ZDHHC2: variants seen among roughly 807,000 people sequenced by gnomAD.
ZDHHC2 encodes the protein palmitoyltransferase ZDHHC2.
A neutral mutation model predicts 55.6 loss-of-function variants in ZDHHC2; 51 were observed. The observed-to-expected ratio is 0.92, with a 90% CI of 0.73 to 1.16. The LOEUF (loss-of-function observed/expected upper bound fraction) is 1.16. Among genes scored for constraint, ZDHHC2 ranks in the 50% most tolerant of loss-of-function variants. The pLI is 0.00. For synonymous variants in ZDHHC2, 199 were observed against 152.9 expected (o/e 1.30, Z -2.22); for missense variants, 491 against 442.4 (o/e 1.11, Z -0.99).
In ZDHHC2 at chr8:17,195,635, A is replaced by G. The variant is rs762931634; in HGVS notation, c.373+11A>G. 6 of 1,613,624 alleles carry G rather than the reference A, an allele frequency of 3.7e-6. No individual in the cohort carries two copies. The highest frequency in any genetic ancestry group is 1.1e-5 in the South Asian group (1 of 91,046). On this transcript the variant is annotated intron_variant, in intron 4 of 12. Transcript: ENST00000262096. ...GGACCATGTCTGGAGGTAAATGTTG[A>G]TAATGAGTGCTTTGCAATGGTATGC...
intron 1 of ZDHHC2, among the ~76,000 whole-genome samples, chr8:17,168,708 A>G (rs977844404): frequency 6.6e-5 from 10 of 151,978 alleles, no homozygotes; most frequent in South Asian, 4.1e-4. Context: ...CGTGAGTCCA[A>G]CTGTCCAGGT....
At chr8:17,202,311 C>CCTTA (rs1806828901) in intron 6 of ZDHHC2, among the ~76,000 whole-genome samples, 1 of 151,578 alleles carries the variant, frequency 6.6e-6, no homozygotes, top group Non-Finnish European at 1.5e-5. Context: ...ACCTCCACCT[C>CCTTA]CTGGGTATTT....
intron 3 of ZDHHC2, among the ~76,000 whole-genome samples, chr8:17,194,801 T>C (rs1806221662): frequency 6.6e-6 from 1 of 152,290 alleles, no homozygotes; most frequent in Non-Finnish European, 1.5e-5. Context: ...ACATTTGAGT[T>C]GTGTTCTTTT....
intron 11 of ZDHHC2, among the ~76,000 whole-genome samples, chr8:17,215,811 A>G (rs1807621058): frequency 6.6e-6 from 1 of 152,172 alleles, no homozygotes; most frequent in Non-Finnish European, 1.5e-5. Flanking sequence ...ATTTCTTCAT[A>G]TCCCACTCAC....
chr8:17,156,986 G>A, intron 1 of ZDHHC2, 133 bp downstream of exon 1: 5 of 832,054 alleles, frequency 6.0e-6, no homozygotes, highest in Non-Finnish European at 8.3e-6. Flanking sequence ...CGTCCCGCCG[G>A]CTCCGCCGCT....
At chr8:17,195,285 G>A (rs1379321251) in intron 3 of ZDHHC2, among the ~76,000 whole-genome samples, 1 of 152,154 alleles carries the variant, frequency 6.6e-6, no homozygotes, top group East Asian at 1.9e-4. Flanking sequence ...AGTAGGTACA[G>A]TTGTATTATG....
intron 12 of ZDHHC2, among the ~76,000 whole-genome samples, chr8:17,217,578 A>G (rs1807708925): frequency 6.6e-6 from 1 of 152,152 alleles, no homozygotes; most frequent in African/African-American, 2.4e-5. Context: ...AGTTAGAATA[A>G]TTATTTTTAA....
chr8:17,210,559 GA>G (rs1807329052), intron 10 of ZDHHC2, 79 bp downstream of exon 10: 44 of 1,182,416 alleles, frequency 3.7e-5, no homozygotes, highest in Admixed American at 9.1e-5. Flanking sequence ...ATGTTCCTTT[GA>G]AAAAAAATGA....
intron 3 of ZDHHC2, among the ~76,000 whole-genome samples, chr8:17,190,979 T>TG (rs1805997565): frequency 8.3e-6 from 1 of 120,234 alleles, no homozygotes; most frequent in African/African-American, 3.4e-5. Flanking sequence ...TTTTTTTTTT[T>TG]GAGATGGAGT....
chr8:17,157,107 G>A (rs916269096), intron 1 of ZDHHC2, among the ~76,000 whole-genome samples: 1 of 151,990 alleles, frequency 6.6e-6, no homozygotes, highest in South Asian at 2.1e-4. Flanking sequence ...GCCTCCCGCC[G>A]CCTTCCGCTC....
At chr8:17,174,566 CTT>C (rs1184320967) in intron 1 of ZDHHC2, among the ~76,000 whole-genome samples, 1 of 152,086 alleles carries the variant, frequency 6.6e-6, no homozygotes, top group East Asian at 1.9e-4. Flanking sequence ...TATGCAGAAG[CTT>C]TTGATGGCTG....
At chr8:17,216,355 A>G (rs1243507053) in intron 11 of ZDHHC2, among the ~76,000 whole-genome samples, 1 of 152,210 alleles carries the variant, frequency 6.6e-6, no homozygotes, top group Admixed American at 6.6e-5. Context: ...CTCCTAAAAT[A>G]GAAGCTTTCT....
intron 10 of ZDHHC2, among the ~76,000 whole-genome samples, chr8:17,211,443 G>A (rs998965428): frequency 4.6e-5 from 7 of 151,980 alleles, no homozygotes; most frequent in Non-Finnish European, 5.9e-5. Flanking sequence ...CAGTGTTCCT[G>A]GTAGCCATTC....
At chr8:17,158,334 C>T (rs1405958855) in intron 1 of ZDHHC2, among the ~76,000 whole-genome samples, 2 of 152,182 alleles carry the variant, frequency 1.3e-5, no homozygotes, top group Non-Finnish European at 2.9e-5. Flanking sequence ...AAAACAGTGA[C>T]CAGTATCGAT....
chr8:17,169,021 T>G (rs1055737424), intron 1 of ZDHHC2, among the ~76,000 whole-genome samples: 11 of 152,194 alleles, frequency 7.2e-5, no homozygotes. Flanking sequence ...AGTCCCTGCT[T>G]TAAATTCTTT....
chr8:17,219,792 A>G (rs1035613990), intron 12 of ZDHHC2, among the ~76,000 whole-genome samples: 3 of 152,250 alleles, frequency 2.0e-5, no homozygotes, highest in Non-Finnish European at 2.9e-5. Flanking sequence ...AAAACAAAAC[A>G]AAACAAAACA....
chr8:17,168,167 T>G (rs918507882), intron 1 of ZDHHC2, among the ~76,000 whole-genome samples: 1 of 152,182 alleles, frequency 6.6e-6, no homozygotes, highest in African/African-American at 2.4e-5. Context: ...TATTTCCTAT[T>G]GACTGAAAAA....
rs1331470779 is a variant in ZDHHC2 at position 17,224,775 on chromosome 8, C to T, written c.*4554C>T. 1 of 151,744 alleles carries T rather than the reference C, an allele frequency of 6.6e-6. No individual in the cohort carries two copies. The highest frequency in any genetic ancestry group is 1.5e-5 in the Non-Finnish European group (1 of 67,718). 9.4% of individuals were successfully genotyped at this position (151,744 alleles called of 1,614,324 possible). ...TGTATGGCTCCCTAATTGAAAACATCTTAAATGAACTAATCAAACACTTAT... is the reference window on the plus strand; with the variant it reads ...TGTATGGCTCCCTAATTGAAAACATTTTAAATGAACTAATCAAACACTTAT... On this transcript the variant is annotated 3_prime_UTR_variant, in exon 13 of 13. Transcript: ENST00000262096.
chr8:17,209,923 T>C lies in ZDHHC2; in HGVS notation c.731-9T>C, dbSNP rs751929110. On this transcript the variant is annotated splice_polypyrimidine_tract_variant and intron_variant, in intron 8 of 12. Transcript: ENST00000262096. ...TTACTCATGTGATTCCTTTACCATC[T>C]TTTTTTAGAGGCATTCAGAAGTCCA... The C allele has an allele frequency of 6.2e-7, 1 of 1,600,250 alleles. No individual in the cohort carries two copies. Among genetic ancestry groups the C allele is most frequent in the East Asian group, 2.2e-5 (1 of 44,510 alleles).
Sources: allele counts gnomAD v4.1 joint callset (sites outside exome capture counted in the v4.1 genomes callset), GRCh38; gene constraint gnomAD v4.1.1; transcripts MANE v1.5; gene names NCBI Gene and HGNC (gene_info 2026-07-23, HGNC 2026-07-21).